Variants in BICD1 observed in about 807,000 individuals in gnomAD.
BICD1 encodes protein bicaudal D homolog 1.
BICD1 carries 35 observed loss-of-function variants against 92.5 expected under a neutral mutation model. That is an observed-to-expected ratio of 0.38 (90% CI 0.29 to 0.50). The LOEUF (loss-of-function observed/expected upper bound fraction) is 0.50. Among genes scored for constraint, BICD1 ranks in the 20% least tolerant of loss-of-function variants. The pLI, the probability that BICD1 is intolerant of heterozygous loss-of-function variation, is 0.93. For missense variants in BICD1, 950 were observed against 1,189.8 expected (o/e 0.80, Z 2.97); for synonymous variants, 429 against 465.1 (o/e 0.92, Z 1.00).
intron 1 of BICD1, among the ~76,000 whole-genome samples, chr12:32,154,556 T>A (rs1352145748): frequency 1.3e-5 from 2 of 152,222 alleles, no homozygotes; most frequent in African/African-American, 4.8e-5. Flanking sequence ...GTCACATTCG[T>A]ACTCATTTTT....
At chr12:32,116,777 G>A (rs1313823852) in intron 1 of BICD1, among the ~76,000 whole-genome samples, 1 of 151,332 alleles carries the variant, frequency 6.6e-6, no homozygotes, top group Non-Finnish European at 1.5e-5. Context: ...ATGAGGTTTT[G>A]TTATGTTGCT....
intron 8 of BICD1, 32 bp downstream of exon 8, chr12:32,339,011 C>T (rs1315607330): frequency 1.3e-6 from 2 of 1,566,448 alleles, no homozygotes; most frequent in Non-Finnish European, 1.7e-6. Context: ...GCATGTGATG[C>T]AAATGATTAG....
At chr12:32,159,496 G>A (rs563853943) in intron 1 of BICD1, among the ~76,000 whole-genome samples, 8 of 152,272 alleles carry the variant, frequency 5.3e-5, no homozygotes, top group African/African-American at 1.7e-4. Context: ...TAATAGCATG[G>A]TGTAAGAACT....
chr12:32,216,204 T>A, intron 1 of BICD1, 43 bp from the exon 2 acceptor site: 1 of 1,582,074 alleles, frequency 6.3e-7, no homozygotes, highest in Non-Finnish European at 8.7e-7. Flanking sequence ...AGGGTTATGA[T>A]GCATTTCATT....
At chr12:32,180,931 G>A (rs899576654) in intron 1 of BICD1, among the ~76,000 whole-genome samples, 2 of 151,560 alleles carry the variant, frequency 1.3e-5, no homozygotes, top group Non-Finnish European at 2.9e-5. Context: ...TCTCTTGTGG[G>A]CACCAAATTT....
chr12:32,329,027 C>G (rs1937700267), intron 5 of BICD1, among the ~76,000 whole-genome samples: 1 of 152,238 alleles, frequency 6.6e-6, no homozygotes, highest in Admixed American at 6.5e-5. Flanking sequence ...TGGCCAATAA[C>G]TGGACCCCAG....
At chr12:32,187,449 A>C (rs564164999) in intron 1 of BICD1, among the ~76,000 whole-genome samples, 1 of 152,266 alleles carries the variant, frequency 6.6e-6, no homozygotes, top group Non-Finnish European at 1.5e-5. Context: ...CGAGGCGGGC[A>C]GATCACAAGG....
chr12:32,278,545 A>G (rs1224828912), intron 2 of BICD1, among the ~76,000 whole-genome samples: 1 of 152,228 alleles, frequency 6.6e-6, no homozygotes, highest in Non-Finnish European at 1.5e-5. Context: ...AGACAGTCAC[A>G]TTTTTACTAA....
intron 1 of BICD1, among the ~76,000 whole-genome samples, chr12:32,168,916 C>T (rs1399179534): frequency 2.0e-5 from 3 of 151,894 alleles, no homozygotes; most frequent in African/African-American, 7.3e-5. Context: ...GAGCCGAGAT[C>T]GCGCGATTGC....
chr12:32,294,824 G>A (rs952116729), intron 3 of BICD1, among the ~76,000 whole-genome samples: 1 of 151,882 alleles, frequency 6.6e-6, no homozygotes. Context: ...GTTCATGCCC[G>A]TAATCCCAGC....
At chr12:32,332,980 A>G (rs2136273124) in intron 5 of BICD1, 2 of 985,470 alleles carry the variant, frequency 2.0e-6, no homozygotes, top group African/African-American at 1.7e-5. Context: ...AACTTTGCAC[A>G]GTCAATGGAC....
intron 4 of BICD1, among the ~76,000 whole-genome samples, chr12:32,318,393 A>G (rs1948562096): frequency 6.6e-6 from 1 of 152,076 alleles, no homozygotes; most frequent in African/African-American, 2.4e-5. Flanking sequence ...TTCATTGAGC[A>G]GTGGTTTGTA....
chr12:32,241,171 G>A (rs1024505067), intron 2 of BICD1, among the ~76,000 whole-genome samples: 2 of 152,128 alleles, frequency 1.3e-5, no homozygotes, highest in African/African-American at 4.8e-5. Context: ...TCCAGACAGC[G>A]GCAAAGAGAA....
chr12:32,294,124 T>C lies in BICD1; in HGVS notation c.557T>C (p.Val186Ala). ...EEENITLQKL[V>A]STLKQNQVEY... ...GAAAATATCACATTGCAGAAACTAG[T>C]GTCCACGTTGAAGCAGAACCAGGTA... is the stretch of plus-strand genomic sequence containing the variant. Residue 186 changes from valine (V) to alanine (A), a missense_variant, in exon 3 of 10, where the codon GTG becomes GCG. Coordinates refer to ENST00000652176, the MANE Select transcript of BICD1 (RefSeq NM_001714.4). 6.2e-7 allele frequency: 1 copy of C among 1,604,368 alleles called. No homozygotes were observed. Among genetic ancestry groups the C allele is most frequent in the Non-Finnish European group, 8.5e-7 (1 of 1,177,910 alleles).
At chr12:32,367,775 C>G in intron 9 of BICD1, 30 bp downstream of exon 9, 2 of 1,588,174 alleles carry the variant, frequency 1.3e-6, no homozygotes, top group Non-Finnish European at 1.7e-6. Flanking sequence ...CCCTTCCACC[C>G]AGCTGCATGT....
intron 1 of BICD1, among the ~76,000 whole-genome samples, chr12:32,199,153 A>C (rs1008964324): frequency 1.3e-5 from 2 of 152,226 alleles, no homozygotes; most frequent in Non-Finnish European, 2.9e-5. Context: ...AGCTTTTGTA[A>C]ACTTCTGGCA....
chr12:32,372,395 A>C (rs1939773485), intron 9 of BICD1, among the ~76,000 whole-genome samples: 1 of 152,008 alleles, frequency 6.6e-6, no homozygotes, highest in African/African-American at 2.4e-5. Flanking sequence ...CAGGAGAATC[A>C]CTTGGAACAG....
chr12:32,170,701 T>C (rs1452057129), intron 1 of BICD1, among the ~76,000 whole-genome samples: 1 of 152,226 alleles, frequency 6.6e-6, no homozygotes, highest in Non-Finnish European at 1.5e-5. Flanking sequence ...TAGTGGAGCA[T>C]TGAATTTCAG....
intron 4 of BICD1, among the ~76,000 whole-genome samples, chr12:32,315,085 A>G (rs1032892429): frequency 1.3e-5 from 2 of 152,154 alleles, no homozygotes; most frequent in South Asian, 2.1e-4. Context: ...TTTATAGTTT[A>G]TCTCTTACAT....
Sources: gnomAD v4.1 joint callset for allele counts (sites outside exome capture counted in the v4.1 genomes callset) on GRCh38, gnomAD v4.1.1 for gene constraint, MANE v1.5 for transcripts, NCBI Gene and HGNC (gene_info 2026-07-23, HGNC 2026-07-21) for gene names.